DCAF17: variants seen among roughly 807,000 people sequenced by gnomAD.
DCAF17 encodes the protein DDB1 and CUL4 associated factor 17.
A neutral mutation model predicts 66.0 loss-of-function variants in DCAF17; 48 were observed. That is an observed-to-expected ratio of 0.73 (90% CI 0.58 to 0.92). The LOEUF is 0.92. Ranked by LOEUF, DCAF17 falls within the 40% of genes least tolerant of loss-of-function variation. The pLI is 0.00. For missense variants in DCAF17, 562 were observed against 622.8 expected (o/e 0.90, Z 1.04); for synonymous variants, 206 against 214.6 (o/e 0.96, Z 0.35).
intron 7 of DCAF17, 36 bp from the exon 8 acceptor site, chr2:171,458,336 G>A: frequency 6.4e-7 from 1 of 1,561,476 alleles, no homozygotes; most frequent in Non-Finnish European, 8.8e-7. Flanking sequence ...ATAAATAGGT[G>A]CTAAAGCCAC....
chr2:171,476,979 A>G, intron 11 of DCAF17, 29 bp downstream of exon 11: 1 of 1,506,824 alleles, frequency 6.6e-7, no homozygotes, highest in Non-Finnish European at 9.2e-7. Context: ...AAAATCCTTT[A>G]TATATCATTG....
intron 2 of DCAF17, among the ~76,000 whole-genome samples, chr2:171,439,528 T>C (rs1304660302): frequency 6.7e-6 from 1 of 149,916 alleles, no homozygotes; most frequent in Non-Finnish European, 1.5e-5. Flanking sequence ...TTTTTTTTTT[T>C]TTTTAGAATT....
At position 171,434,258 on chromosome 2, in the gene DCAF17, A is replaced by G. The variant is rs1170442942; in HGVS notation, c.-320A>G. On this transcript the variant is annotated 5_prime_UTR_variant, in exon 1 of 14. Transcript: ENST00000375255. Reference sequence around the variant, plus strand: ...CGGGCTGCCTCACGAGGCACTAGGAACTACATTTCCCGGTGAGAGAGCGGC... The same window carrying G: ...CGGGCTGCCTCACGAGGCACTAGGAGCTACATTTCCCGGTGAGAGAGCGGC... The G allele has an allele frequency of 2.0e-6, 1 of 506,862 alleles. No homozygotes were observed. Among genetic ancestry groups the G allele is most frequent in the East Asian group, 5.3e-5 (1 of 19,032 alleles). 31.4% of individuals were successfully genotyped at this position (506,862 alleles called of 1,614,324 possible).
chr2:171,438,746 T>C (rs892550465), intron 2 of DCAF17, among the ~76,000 whole-genome samples: 42 of 151,708 alleles, frequency 2.8e-4, no homozygotes, highest in East Asian at 1.7e-3. Context: ...CCTTTTTTTT[T>C]CCCCCCCAAA....
chr2:171,440,282 A>C (rs1694233494), intron 2 of DCAF17, among the ~76,000 whole-genome samples: 1 of 152,178 alleles, frequency 6.6e-6, no homozygotes, highest in Admixed American at 6.5e-5. Flanking sequence ...ATATGATATG[A>C]TATATTGGAT....
intron 6 of DCAF17, among the ~76,000 whole-genome samples, chr2:171,454,355 G>A (rs1289245524): frequency 6.7e-6 from 1 of 149,694 alleles, no homozygotes; most frequent in African/African-American, 2.5e-5. Context: ...CGCAATCTCT[G>A]CCCACTGCAA....
At position 171,475,545 on chromosome 2, in the gene DCAF17, C is replaced by G. The variant is rs1472047284; in HGVS notation, c.1092-1315C>G. On this transcript the variant is annotated intron_variant, in intron 10 of 13. Transcript: ENST00000375255. ...TTTGGGAGGCCGAAGCAGGAGGATC[C>G]CCTGAAACCAGCAGTTTGAGACCAG... Among the ~76,000 whole-genome samples, 4 of 151,996 alleles carry G rather than the reference C, an allele frequency of 2.6e-5. No homozygotes were observed. In the East Asian group the frequency reaches 7.7e-4, roughly 29 times the overall value.
At chr2:171,447,318 G>T in intron 3 of DCAF17, 1 of 278,966 alleles carries the variant, frequency 3.6e-6, no homozygotes, top group Non-Finnish European at 7.0e-6. Context: ...TCACTTTTTG[G>T]CCTAAGCAGA....
rs761811966 is a variant in DCAF17, at chr2:171,477,978, A to C, written c.1183-9A>C. On this transcript the variant is annotated splice_polypyrimidine_tract_variant and intron_variant, in intron 11 of 13. Coordinates refer to ENST00000375255, the MANE Select transcript of DCAF17 (RefSeq NM_025000.4). ...TTGTCATATCTTTTTATTTCTTTCCATATGATAGAATGAAAATGTACTCAC... is the reference window on the plus strand; with the variant it reads ...TTGTCATATCTTTTTATTTCTTTCCCTATGATAGAATGAAAATGTACTCAC... 6.2e-7 allele frequency: 1 copy of C among 1,609,402 alleles called. No individual in the cohort carries two copies. Among genetic ancestry groups the C allele is most frequent in the South Asian group, 1.1e-5 (1 of 90,988 alleles).
intron 9 of DCAF17, among the ~76,000 whole-genome samples, chr2:171,471,713 A>G (rs1160016101): frequency 6.6e-6 from 1 of 152,216 alleles, no homozygotes; most frequent in African/African-American, 2.4e-5. Flanking sequence ...ATTACATTCC[A>G]AAAAATTTAA....
rs556120131 is a variant in DCAF17, at chr2:171,450,071, T to G, written c.537+114T>G. The G allele has an allele frequency of 1.7e-5, 16 of 938,170 alleles. No homozygotes were observed. In the South Asian group the frequency reaches 2.2e-4, roughly 13 times the overall value. 58.1% of individuals were successfully genotyped at this position (938,170 alleles called of 1,614,324 possible). A position where few individuals can be genotyped will look rare whatever the true frequency, so the allele number is the denominator to read the frequency against. On this transcript the variant is annotated intron_variant, in intron 5 of 13. Transcript: ENST00000375255. ...TATTTCTGAAGCATGCTGTAAAAGA[T>G]AGGATTCACGGCAACCTGGATGGGA...
At chr2:171,445,548 A>C (rs1396677319) in intron 3 of DCAF17, among the ~76,000 whole-genome samples, 1 of 152,238 alleles carries the variant, frequency 6.6e-6, no homozygotes, top group African/African-American at 2.4e-5. Context: ...CTTTTAAGTT[A>C]GTGTCCATCT....
chr2:171,469,680 T>C (rs1284645500), intron 9 of DCAF17, among the ~76,000 whole-genome samples: 2 of 152,244 alleles, frequency 1.3e-5, no homozygotes, highest in East Asian at 1.9e-4. Context: ...CCTCAAGTTA[T>C]ACTCTTAAAG....
At chr2:171,447,131 G>GT (rs1694671552) in intron 3 of DCAF17, among the ~76,000 whole-genome samples, 1 of 150,952 alleles carries the variant, frequency 6.6e-6, no homozygotes, top group African/African-American at 2.4e-5. Flanking sequence ...ATAATTGTGA[G>GT]TTTTTTGTAT....
chr2:171,445,135 T>A (rs1694540443), intron 3 of DCAF17, among the ~76,000 whole-genome samples: 1 of 151,902 alleles, frequency 6.6e-6, no homozygotes. Context: ...TCTCACTATT[T>A]TTTTTTTTTG....
Position 171,458,503 on chromosome 2 carries a change from C to T in DCAF17, c.838+26C>T, listed in dbSNP as rs771100235. 7 of 1,544,958 alleles carry T rather than the reference C, an allele frequency of 4.5e-6. No homozygotes were observed. The Admixed American group carries it at 8.4e-5, about 19-fold the overall frequency. On this transcript the variant is annotated intron_variant, in intron 8 of 13. Coordinates refer to ENST00000375255, the MANE Select transcript of DCAF17 (RefSeq NM_025000.4). ...GTATGGCTACTCTATAGTATTTTTTCACCTTAAAAAAATTAAGTGGTCATA... is the reference window on the plus strand; with the variant it reads ...GTATGGCTACTCTATAGTATTTTTTTACCTTAAAAAAATTAAGTGGTCATA...
chr2:171,463,901 A>G (rs1559280051), intron 8 of DCAF17, among the ~76,000 whole-genome samples: 1 of 152,210 alleles, frequency 6.6e-6, no homozygotes, highest in Non-Finnish European at 1.5e-5. Flanking sequence ...TTAATTATCA[A>G]TATTCAGAGC....
chr2:171,449,700 G>A (rs973851184), intron 4 of DCAF17, among the ~76,000 whole-genome samples, 179 bp from the exon 5 acceptor site: 3 of 152,084 alleles, frequency 2.0e-5, no homozygotes, highest in African/African-American at 7.2e-5. Flanking sequence ...TTTAAATAGG[G>A]ATATGTCCAT....
In DCAF17 at chr2:171,482,250, A is replaced by G. The variant is rs181668017; in HGVS notation, c.*1136A>G. 2.2e-6 allele frequency: 1 copy of G among 454,008 alleles called. No individual in the cohort carries two copies. Among genetic ancestry groups the G allele is most frequent in the East Asian group, 6.9e-5 (1 of 14,402 alleles). 28.1% of individuals were successfully genotyped at this position (454,008 alleles called of 1,614,324 possible). On this transcript the variant is annotated 3_prime_UTR_variant, in exon 14 of 14. Transcript: ENST00000375255. ...TGCACATTTATCCGATGTAACCTCAAAAGAATAACTGGTAATAAGGGAAGG... is the reference window on the plus strand; with the variant it reads ...TGCACATTTATCCGATGTAACCTCAGAAGAATAACTGGTAATAAGGGAAGG...
Sources: allele counts gnomAD v4.1 joint callset (sites outside exome capture counted in the v4.1 genomes callset), GRCh38; gene constraint gnomAD v4.1.1; transcripts MANE v1.5; gene names NCBI Gene and HGNC (gene_info 2026-07-23, HGNC 2026-07-21).